MTHFD1L: variants seen among roughly 807,000 people sequenced by gnomAD.
MTHFD1L encodes the protein methylenetetrahydrofolate dehydrogenase (NADP+ dependent) 1 like, also known as monofunctional C1-tetrahydrofolate synthase, mitochondrial.
A neutral mutation model predicts 119.5 loss-of-function variants in MTHFD1L; 81 were observed. That is an observed-to-expected ratio of 0.68 (90% CI 0.57 to 0.82). The LOEUF (loss-of-function observed/expected upper bound fraction) is 0.82. MTHFD1L is among the 40% of genes least tolerant of loss of function. The pLI is 0.00. For synonymous variants in MTHFD1L, 430 were observed against 475.2 expected (o/e 0.90, Z 1.24); for missense variants, 1,125 against 1,253.4 (o/e 0.90, Z 1.55).
chr6:150,994,064 TAAAAA>T (rs746589557), intron 20 of MTHFD1L, among the ~76,000 whole-genome samples: 6 of 74,278 alleles, frequency 8.1e-5, no homozygotes, highest in African/African-American at 4.6e-4. Flanking sequence ...ACAACAACAG[TAAAAA>T]AAAAAAAAAA....
intron 20 of MTHFD1L, among the ~76,000 whole-genome samples, chr6:150,978,718 C>A (rs974371221): frequency 3.3e-5 from 5 of 152,204 alleles, no homozygotes; most frequent in Admixed American, 1.3e-4. Flanking sequence ...TACCTTCTCA[C>A]TCAATCCTTA....
At chr6:151,029,870 C>T (rs751685753) in intron 24 of MTHFD1L, among the ~76,000 whole-genome samples, 4 of 152,212 alleles carry the variant, frequency 2.6e-5, no homozygotes, top group Non-Finnish European at 4.4e-5. Context: ...ATTGCTATTA[C>T]TTTGCTCCCA....
chr6:151,090,459 C>T (rs1035020776), intron 26 of MTHFD1L, among the ~76,000 whole-genome samples: 68 of 152,218 alleles, frequency 4.5e-4, no homozygotes, highest in African/African-American at 1.5e-3. Context: ...TCTGAAATTC[C>T]GAATATCTAA....
At chr6:151,015,845 G>A in intron 24 of MTHFD1L, 152 bp downstream of exon 24, 1 of 968,374 alleles carries the variant, frequency 1.0e-6, no homozygotes. Context: ...CCAACACTTT[G>A]GGAGGCTAGG....
chr6:151,015,429 G>A, intron 23 of MTHFD1L, 87 bp from the exon 24 acceptor site: 2 of 1,423,734 alleles, frequency 1.4e-6, no homozygotes, highest in Non-Finnish European at 1.9e-6. Context: ...GTGTTAGGGA[G>A]CGAAGTTCTG....
chr6:150,899,435 G>A (rs905179397), intron 7 of MTHFD1L, among the ~76,000 whole-genome samples: 6 of 152,130 alleles, frequency 3.9e-5, no homozygotes, highest in African/African-American at 1.4e-4. Context: ...ACGTGAAGTG[G>A]GTAAAATACC....
At chr6:150,985,334 T>C (rs1778129423) in intron 20 of MTHFD1L, 2 of 152,162 alleles carry the variant, frequency 1.3e-5, no homozygotes, top group African/African-American at 4.8e-5. Flanking sequence ...GGGACCATTA[T>C]ACTTAGAGGT....
chr6:150,994,094 A>AAAGAAGAAAGAAAGAAAG (rs1482239065), intron 20 of MTHFD1L, among the ~76,000 whole-genome samples: 5 of 119,530 alleles, frequency 4.2e-5, no homozygotes, highest in South Asian at 2.7e-4. Flanking sequence ...AGAAAGAAAG[A>AAAGAAGAAAGAAAGAAAG]AAGTGACCCA....
At chr6:150,993,789 T>C (rs927098237) in intron 20 of MTHFD1L, among the ~76,000 whole-genome samples, 3 of 152,066 alleles carry the variant, frequency 2.0e-5, no homozygotes, top group Non-Finnish European at 4.4e-5. Context: ...CTTGGGGGTG[T>C]CAATTAAAGA....
rs1419630071 is a variant in MTHFD1L at position 150,959,056 on chromosome 6, G to C, written c.1804-1219G>C. The C allele has an allele frequency of 9.1e-6, 3 of 329,680 alleles. No homozygotes were observed. The East Asian group carries it at 5.1e-4, about 56-fold the overall frequency. 20.4% of individuals were successfully genotyped at this position (329,680 alleles called of 1,614,324 possible). ...ATGCACTGTTTATAATAGAATGGTA[G>C]TATAGAGAACCCTAAATTTCATACA... is the stretch of plus-strand genomic sequence containing the variant. On this transcript the variant is annotated intron_variant, in intron 17 of 27. Transcript: ENST00000367321.
intron 8 of MTHFD1L, among the ~76,000 whole-genome samples, chr6:150,918,090 G>T: frequency 7.2e-6 from 1 of 138,106 alleles, no homozygotes; most frequent in African/African-American, 2.8e-5. Context: ...TTTTGAGATG[G>T]AATCTTGCTA....
chr6:150,957,425 A>G (rs1795805544), intron 17 of MTHFD1L, among the ~76,000 whole-genome samples: 1 of 152,192 alleles, frequency 6.6e-6, no homozygotes, highest in Admixed American at 6.5e-5. Context: ...CGTTAGTGGG[A>G]GTAGAAATCC....
intron 26 of MTHFD1L, among the ~76,000 whole-genome samples, chr6:151,092,253 G>A (rs1794519938): frequency 6.6e-6 from 1 of 152,052 alleles, no homozygotes; most frequent in South Asian, 2.1e-4. Flanking sequence ...GAAGGTAAAT[G>A]GTCTCAATTT....
chr6:151,004,746 G>C (rs745647175), intron 20 of MTHFD1L, among the ~76,000 whole-genome samples: 23 of 152,318 alleles, frequency 1.5e-4, no homozygotes, highest in Middle Eastern at 3.4e-3. Context: ...CCATGCTATA[G>C]AATCACTATC....
chr6:150,931,312 G>A (rs905265584), intron 11 of MTHFD1L, among the ~76,000 whole-genome samples: 3 of 133,394 alleles, frequency 2.2e-5, no homozygotes, highest in African/African-American at 8.2e-5. Flanking sequence ...CCAAATACCC[G>A]ATTGGATTTT....
intron 20 of MTHFD1L, among the ~76,000 whole-genome samples, chr6:150,990,849 A>G (rs897893601): frequency 1.3e-5 from 2 of 151,784 alleles, no homozygotes; most frequent in Non-Finnish European, 1.5e-5. Flanking sequence ...AACATAAACC[A>G]TAGAGTTTGT....
At chr6:151,053,497 A>T (rs2128583531) in intron 26 of MTHFD1L, among the ~76,000 whole-genome samples, 1 of 152,310 alleles carries the variant, frequency 6.6e-6, no homozygotes. Context: ...GTTCCCTCCC[A>T]AGTAAATACA....
At chr6:150,935,715 T>C (rs1791941340) in intron 11 of MTHFD1L, 3 of 587,612 alleles carry the variant, frequency 5.1e-6, no homozygotes, top group South Asian at 5.0e-5. Flanking sequence ...CCCAACTCTG[T>C]TGCCTTGTGG....
At chr6:150,976,254 G>A (rs1337539333) in intron 20 of MTHFD1L, among the ~76,000 whole-genome samples, 1 of 152,182 alleles carries the variant, frequency 6.6e-6, no homozygotes, top group Non-Finnish European at 1.5e-5. Context: ...TGGGAGCTGG[G>A]AGGGGAGCTG....
Sources: allele counts gnomAD v4.1 joint callset (sites outside exome capture counted in the v4.1 genomes callset), GRCh38; gene constraint gnomAD v4.1.1; transcripts MANE v1.5; gene names NCBI Gene and HGNC (gene_info 2026-07-23, HGNC 2026-07-21).